The following TMED3 variants were observed in gnomAD, a reference collection of about 807,000 sequenced individuals.
TMED3 encodes the protein transmembrane p24 trafficking protein 3.
Under a neutral mutation model 15.0 loss-of-function variants are expected in TMED3, and 9 were observed. That is an observed-to-expected ratio of 0.60 (90% CI 0.36 to 1.04). The LOEUF (loss-of-function observed/expected upper bound fraction) is 1.04, where lower values mean the gene tolerates loss of function less well. Among genes scored for constraint, TMED3 ranks in the 50% least tolerant of loss-of-function variants. The pLI is 0.01. For missense variants in TMED3, 267 were observed against 278.9 expected, an observed-to-expected ratio of 0.96 and a Z score of 0.30; for synonymous variants, 117 against 121.4, an observed-to-expected ratio of 0.96 and a Z score of 0.24.
At chr15:79,353,561 C>G (rs2058906564) in intron 2 of TMED3, among the ~76,000 whole-genome samples, 2 of 118,204 alleles carry the variant, frequency 1.7e-5, no homozygotes, top group South Asian at 5.4e-4. Flanking sequence ...ATTTTAACCA[C>G]TGGGGGTTAA....
downstream of TMED3, among the ~76,000 whole-genome samples, chr15:79,326,380 T>C (rs573108590): frequency 2.0e-5 from 3 of 152,336 alleles, no homozygotes; most frequent in East Asian, 3.9e-4. Flanking sequence ...AAGGGGCTCC[T>C]GAGCTGTCAC....
At chr15:79,313,350 T>C (rs1335019966) in intron 1 of TMED3, among the ~76,000 whole-genome samples, 1 of 152,172 alleles carries the variant, frequency 6.6e-6, no homozygotes. Context: ...TTCAGAATAG[T>C]GCAATAGGTA....
exon 3 of TMED3, chr15:79,413,768 G>C (rs1309656609): frequency 6.6e-6 from 1 of 152,154 alleles, no homozygotes; most frequent in Non-Finnish European, 1.5e-5. Flanking sequence ...CACTATCTAG[G>C]GGTAAGGATG....
At chr15:79,412,233 G>T (rs890694919) in exon 3 of TMED3, 2 of 152,228 alleles carry the variant, frequency 1.3e-5, no homozygotes, top group Non-Finnish European at 2.9e-5. Context: ...CACTGCTGGT[G>T]CACATGTGAG....
At chr15:79,362,757 T>C (rs945630161) in intron 2 of TMED3, among the ~76,000 whole-genome samples, 3 of 152,186 alleles carry the variant, frequency 2.0e-5, no homozygotes, top group African/African-American at 7.2e-5. Flanking sequence ...CCTGCTGCCA[T>C]GTAAGATGTG....
intron 2 of TMED3, among the ~76,000 whole-genome samples, chr15:79,328,472 T>G (rs925113): frequency 0.57 from 86,968 of 152,066 alleles, 25,114 homozygotes; most frequent in Middle Eastern, 0.69. Context: ...CTAAAGCCTG[T>G]GTGGGCTGCA....
At chr15:79,391,953 CAGTTTA>C (rs1295341270) in intron 2 of TMED3, among the ~76,000 whole-genome samples, 4 of 152,086 alleles carry the variant, frequency 2.6e-5, no homozygotes, top group Non-Finnish European at 1.5e-5. Context: ...TCCACCCTTT[CAGTTTA>C]AGTTTATGTT....
chr15:79,314,813 T>C (rs1596048487), intron 2 of TMED3, among the ~76,000 whole-genome samples: 1 of 152,178 alleles, frequency 6.6e-6, no homozygotes, highest in Admixed American at 6.5e-5. Context: ...TCTGATCCCA[T>C]CCTCCTTCGT....
At position 79,400,748 on chromosome 15, in the gene TMED3, C is replaced by A. The variant is rs146147368; in HGVS notation, c.418-10652C>A. On this transcript the variant is annotated intron_variant, in intron 2 of 2. Coordinates refer to the TMED3 transcript ENST00000424155. ...CCTAACTTTGTCATCATTGTAAGTA[C>A]TGGTATTTTCTTCTGAAAAATGAGG... Among the ~76,000 whole-genome samples, 5 of 152,290 alleles carry A rather than the reference C, an allele frequency of 3.3e-5. No individual in the cohort carries two copies. The East Asian group carries it at 9.6e-4, about 29-fold the overall frequency.
rs578215070 is a variant in TMED3, at chr15:79,377,194, G to A, written c.418-34206G>A. ...TGGGCCTATTTTCTTTTCTACAGTG[G>A]GCCTACTTTCTAGGGTGAGGTGGAT... On this transcript the variant is annotated intron_variant, in intron 2 of 2. Transcript: ENST00000424155. Among the ~76,000 whole-genome samples, 18 of 151,930 alleles carry A rather than the reference G, an allele frequency of 1.2e-4. No individual in the cohort carries two copies. The South Asian group carries it at 2.5e-3, about 21-fold the overall frequency.
At chr15:79,400,023 A>G (rs187917275) in intron 2 of TMED3, among the ~76,000 whole-genome samples, 5 of 152,176 alleles carry the variant, frequency 3.3e-5, no homozygotes, top group African/African-American at 4.8e-5. Context: ...ATGGCTTTCT[A>G]TTGTACCGGG....
At chr15:79,362,595 T>A (rs1458971974) in intron 2 of TMED3, among the ~76,000 whole-genome samples, 2 of 152,216 alleles carry the variant, frequency 1.3e-5, no homozygotes, top group African/African-American at 4.8e-5. Context: ...TGAATTGTAA[T>A]AATCCCCAAG....
At chr15:79,396,502 T>C (rs941149239) in intron 2 of TMED3, among the ~76,000 whole-genome samples, 1 of 152,370 alleles carries the variant, frequency 6.6e-6, no homozygotes, top group Non-Finnish European at 1.5e-5. Context: ...AGCCTGTCCA[T>C]GTGGCTTGAG....
chr15:79,380,925 T>G (rs900425629), intron 2 of TMED3, among the ~76,000 whole-genome samples: 3 of 152,198 alleles, frequency 2.0e-5, no homozygotes, highest in Admixed American at 6.5e-5. Context: ...TGCAGTTTTT[T>G]TACAGCTCAG....
chr15:79,394,614 C>T (rs1359574192), intron 2 of TMED3, among the ~76,000 whole-genome samples: 2 of 152,218 alleles, frequency 1.3e-5, no homozygotes, highest in Non-Finnish European at 2.9e-5. Flanking sequence ...CCCATAGATT[C>T]AGCCTTCTCT....
At chr15:79,396,787 A>G (rs763762402) in intron 2 of TMED3, among the ~76,000 whole-genome samples, 2 of 152,216 alleles carry the variant, frequency 1.3e-5, no homozygotes, top group African/African-American at 4.8e-5. Flanking sequence ...ACACATTCTG[A>G]GTTTCAAGGA....
chr15:79,311,775 C>T (rs2058715984), intron 1 of TMED3, among the ~76,000 whole-genome samples: 2 of 152,174 alleles, frequency 1.3e-5, no homozygotes, highest in Admixed American at 6.5e-5. Flanking sequence ...TCTCTAACCC[C>T]AGTCTCTTAG....
At chr15:79,390,027 T>C (rs1233094600) in intron 2 of TMED3, among the ~76,000 whole-genome samples, 1 of 152,182 alleles carries the variant, frequency 6.6e-6, no homozygotes, top group East Asian at 1.9e-4. Flanking sequence ...AATCATATAA[T>C]CAGCAAACAG....
chr15:79,327,250 G>T (rs1435855547), downstream of TMED3, among the ~76,000 whole-genome samples: 1 of 152,160 alleles, frequency 6.6e-6, no homozygotes, highest in Non-Finnish European at 1.5e-5. Flanking sequence ...AGGATGCAGT[G>T]AGAAGACAGC....
Sources: allele counts gnomAD v4.1 joint callset (sites outside exome capture counted in the v4.1 genomes callset), GRCh38; gene constraint gnomAD v4.1.1; transcripts MANE v1.5; gene names NCBI Gene and HGNC (gene_info 2026-07-23, HGNC 2026-07-21).